The following UGT1A8 variants were observed in gnomAD, a reference collection of about 807,000 sequenced individuals.
UGT1A8 encodes the protein UDP glucuronosyltransferase family 1 member A8.
In UGT1A8, 39 loss-of-function variants were observed where a neutral mutation model predicts 45.3. That is an observed-to-expected ratio of 0.86 (90% CI 0.67 to 1.12). The LOEUF is 1.12. Ranked by LOEUF, UGT1A8 falls within the 50% of genes most tolerant of loss-of-function variation. The pLI is 0.00. For missense variants in UGT1A8, 719 were observed against 664.9 expected (o/e 1.08, Z -0.90); for synonymous variants, 275 against 249.2 (o/e 1.10, Z -0.97).
Position 233,618,153 on chromosome 2 carries a change from C to T in UGT1A8, c.446C>T (p.Pro149Leu). 3 of 1,613,934 alleles carry T rather than the reference C, an allele frequency of 1.9e-6. No individual in the cohort carries two copies. The African/African-American group carries it at 4.0e-5, about 22-fold the overall frequency. Residue 149 changes from proline (P) to leucine (L), a missense_variant, in exon 1 of 5, where the codon CCT becomes CTT. By Grantham distance (98) the Pro-to-Leu change is moderately conservative (BLOSUM62 -3). Coordinates refer to ENST00000373450, the MANE Select transcript of UGT1A8 (RefSeq NM_019076.5). ...TCTTTTGATGCGGTGTTTCTTGATC[C>T]TTTTGATGCCTGTGGCTTAATTGTT... ...ESSFDAVFLD[P>L]FDACGLIVAK...
At chr2:233,683,994 A>G (rs2125527799) in intron 1 of UGT1A8, among the ~76,000 whole-genome samples, 1 of 152,350 alleles carries the variant, frequency 6.6e-6, no homozygotes, top group Non-Finnish European at 1.5e-5. Context: ...AAGTCGTGAC[A>G]AATACAAGAG....
At chr2:233,714,359 G>C (rs754648080) in intron 1 of UGT1A8, among the ~76,000 whole-genome samples, 1 of 152,198 alleles carries the variant, frequency 6.6e-6, no homozygotes, top group Non-Finnish European at 1.5e-5. Context: ...AGGTTTCAAA[G>C]AAGTTGACTC....
At chr2:233,765,342 T>G (rs1698805328) in intron 1 of UGT1A8, among the ~76,000 whole-genome samples, 1 of 152,198 alleles carries the variant, frequency 6.6e-6, no homozygotes. Flanking sequence ...AATAACAAAG[T>G]CATGGAACCA....
At chr2:233,700,675 C>T (rs999893991) in intron 1 of UGT1A8, among the ~76,000 whole-genome samples, 6 of 151,936 alleles carry the variant, frequency 3.9e-5, no homozygotes, top group East Asian at 1.9e-4. Context: ...AGCACAAATT[C>T]GTGATAATAT....
At chr2:233,760,485 G>T in intron 1 of UGT1A8, 2 of 1,614,228 alleles carry the variant, frequency 1.2e-6, no homozygotes, top group Non-Finnish European at 1.7e-6. Context: ...ACGCCTCGTT[G>T]TACATCAGAG....
At chr2:233,689,645 A>G (rs2074951924) in intron 1 of UGT1A8, among the ~76,000 whole-genome samples, 1 of 152,200 alleles carries the variant, frequency 6.6e-6, no homozygotes, top group African/African-American at 2.4e-5. Flanking sequence ...GCTCTTGCTC[A>G]TGAGTGTGAC....
At chr2:233,761,150 A>G (rs1384998466) in intron 1 of UGT1A8, 2 of 1,614,204 alleles carry the variant, frequency 1.2e-6, no homozygotes, top group Non-Finnish European at 1.7e-6. Flanking sequence ...CCACTATCCC[A>G]GGTGTGTATT....
At chr2:233,688,613 C>T (rs1301364252) in intron 1 of UGT1A8, among the ~76,000 whole-genome samples, 2 of 152,146 alleles carry the variant, frequency 1.3e-5, no homozygotes, top group African/African-American at 4.8e-5. Context: ...ACACCCTCAG[C>T]AAACATGAGT....
At position 233,769,394 on chromosome 2, in the gene UGT1A8, T is replaced by C; in HGVS notation, c.1295+955T>C. On this transcript the variant is annotated intron_variant, in intron 4 of 4. Transcript: ENST00000373450. The surrounding 1 kb of genome is among the most constrained non-coding windows in gnomAD (Gnocchi z 4.4). The stretch of plus-strand genomic sequence containing the variant: ...ATTTCATCCGACAATAGATACTGTG[T>C]GCATATGTGCGTGTGCGTTTGTGCA... 1 of 1,112,930 alleles carries C rather than the reference T, an allele frequency of 9.0e-7. No homozygotes were observed. Among genetic ancestry groups the C allele is most frequent in the South Asian group, 1.4e-5 (1 of 69,644 alleles). 68.9% of individuals were successfully genotyped at this position (1,112,930 alleles called of 1,614,324 possible).
At chr2:233,656,983 C>T (rs550666553) in intron 1 of UGT1A8, among the ~76,000 whole-genome samples, 122 of 152,056 alleles carry the variant, frequency 8.0e-4, no homozygotes, top group African/African-American at 2.8e-3. Context: ...GTGGAGCCTC[C>T]GCCTGCGTTA....
At chr2:233,718,970 G>A (rs45510694) in intron 1 of UGT1A8, 3 of 1,614,194 alleles carry the variant, frequency 1.9e-6, no homozygotes, top group African/African-American at 1.3e-5. Context: ...CCTTGCGGGA[G>A]CTCCATGCCA....
intron 1 of UGT1A8, among the ~76,000 whole-genome samples, chr2:233,757,432 C>T (rs1207849155): frequency 1.3e-5 from 2 of 151,156 alleles, no homozygotes; most frequent in Non-Finnish European, 2.9e-5. Context: ...GAAGAAAAGT[C>T]ACTTCTATAC....
intron 1 of UGT1A8, among the ~76,000 whole-genome samples, chr2:233,709,659 T>TAGTA (rs2076086145): frequency 6.6e-6 from 1 of 152,242 alleles, no homozygotes; most frequent in Non-Finnish European, 1.5e-5. Context: ...GGGCTTTGTA[T>TAGTA]AGTAGGTTTT....
chr2:233,679,690 G>A (rs757404992), intron 1 of UGT1A8, among the ~76,000 whole-genome samples: 13 of 152,014 alleles, frequency 8.6e-5, no homozygotes, highest in Non-Finnish European at 1.3e-4. Context: ...GCTTGGCAGA[G>A]GCTGGTTCTC....
chr2:233,619,622 AT>A (rs1278038688), intron 1 of UGT1A8, among the ~76,000 whole-genome samples: 1 of 152,124 alleles, frequency 6.6e-6, no homozygotes, highest in African/African-American at 2.4e-5. Flanking sequence ...TATGTTTGTT[AT>A]TAACATTTAT....
intron 1 of UGT1A8, among the ~76,000 whole-genome samples, chr2:233,666,973 A>G (rs1381051906): frequency 2.0e-5 from 3 of 152,316 alleles, no homozygotes; most frequent in South Asian, 2.1e-4. Flanking sequence ...TACAATGGAC[A>G]TGAACTCATC....
At chr2:233,771,209 T>A (rs1015017621) in intron 4 of UGT1A8, 1 of 152,162 alleles carries the variant, frequency 6.6e-6, no homozygotes. Context: ...TGGACAAATA[T>A]CCAAACTGTA....
intron 1 of UGT1A8, among the ~76,000 whole-genome samples, chr2:233,765,988 G>A (rs909645564): frequency 6.6e-6 from 1 of 152,138 alleles, no homozygotes; most frequent in Non-Finnish European, 1.5e-5. Flanking sequence ...AGCTCCTGAA[G>A]CTCCAGTGGG....
intron 1 of UGT1A8, among the ~76,000 whole-genome samples, chr2:233,761,361 C>T (rs1202698678): frequency 6.6e-6 from 1 of 152,198 alleles, no homozygotes; most frequent in African/African-American, 2.4e-5. Context: ...GGAAAGCATT[C>T]CTTGGACATT....
Sources: gnomAD v4.1 joint callset for allele counts (sites outside exome capture counted in the v4.1 genomes callset) on GRCh38, gnomAD v4.1.1 for gene constraint, Gnocchi (gnomAD v3.1) non-coding constraint, MANE v1.5 for transcripts, NCBI Gene and HGNC (gene_info 2026-07-23, HGNC 2026-07-21) for gene names.